Variants in PARK7 observed in about 807,000 individuals in gnomAD.
PARK7 encodes the protein Parkinson disease protein 7.
Under a neutral mutation model 20.5 loss-of-function variants are expected in PARK7, and 14 were observed. That is an observed-to-expected ratio of 0.68 (90% CI 0.45 to 1.07). PARK7 has a LOEUF of 1.07. Ranked by LOEUF, PARK7 falls within the 50% of genes least tolerant of loss-of-function variation. PARK7 has a pLI of 0.00. For missense variants in PARK7, 234 were observed against 238.1 expected (o/e 0.98, Z 0.11); for synonymous variants, 98 against 84.3 (o/e 1.16, Z -0.89).
At chr1:7,966,864 T>C (rs918323886) in intron 3 of PARK7, among the ~76,000 whole-genome samples, 1 of 152,230 alleles carries the variant, frequency 6.6e-6, no homozygotes, top group African/African-American at 2.4e-5. Flanking sequence ...ATGCATAATA[T>C]ATAGTGATCG....
At chr1:7,963,225 G>C (rs1310263466) in intron 2 of PARK7, among the ~76,000 whole-genome samples, 1 of 151,974 alleles carries the variant, frequency 6.6e-6, no homozygotes, top group African/African-American at 2.4e-5. Context: ...CACCACACCT[G>C]GCTAATTTTT....
Position 7,977,686 on chromosome 1 carries a change from T to C in PARK7, c.357T>C (p.Phe119=), listed in dbSNP as rs1640613708. The change falls in exon 6 of 7, where the codon TTT becomes TTC. Residue 119 remains phenylalanine (F), a synonymous_variant. Transcript: ENST00000338639. ...CTCTGTTGGCTCATGAAATAGGTTT[T>C]GGAAGTAAAGTTACAACACACCCTC... ...PTALLAHEIG[F]GSKVTTHPLA... 6.2e-7 allele frequency: 1 copy of C among 1,614,078 alleles called. No homozygotes were observed. Among genetic ancestry groups the C allele is most frequent in the Non-Finnish European group, 8.5e-7 (1 of 1,180,016 alleles).
rs570188903 is a variant in PARK7 at position 7,969,940 on chromosome 1, C to T, written c.252+536C>T. Among the ~76,000 whole-genome samples the T allele has an allele frequency of 2.6e-5, 4 of 152,132 alleles. No homozygotes were observed. The South Asian group carries it at 8.3e-4, about 32-fold the overall frequency. ...GTGCAGTGGCTCAACGTCTATAATC[C>T]CAGTGGTTTGGGAGGCTGAGACAGG... On this transcript the variant is annotated intron_variant, in intron 4 of 6. Transcript: ENST00000338639.
intron 2 of PARK7, among the ~76,000 whole-genome samples, chr1:7,964,926 C>T (rs2151428456): frequency 6.6e-6 from 1 of 152,318 alleles, no homozygotes; most frequent in Non-Finnish European, 1.5e-5. Context: ...TCCAGTCCCA[C>T]AGAGTACAGG....
At chr1:7,978,944 T>C (rs138258348) in intron 6 of PARK7, among the ~76,000 whole-genome samples, 56 of 152,210 alleles carry the variant, frequency 3.7e-4, no homozygotes, top group African/African-American at 1.3e-3. Context: ...ATCTACTAAA[T>C]GTATTGTTCT....
At chr1:7,982,183 C>T (rs1186163865) in intron 6 of PARK7, among the ~76,000 whole-genome samples, 21 of 148,448 alleles carry the variant, frequency 1.4e-4, no homozygotes, top group Admixed American at 2.7e-4. Context: ...GGCGGGGTTT[C>T]ACCATGTTGG....
At chr1:7,977,905 G>A (rs1032608757) in intron 6 of PARK7, among the ~76,000 whole-genome samples, 167 bp downstream of exon 6, 2 of 150,550 alleles carry the variant, frequency 1.3e-5, no homozygotes, top group Middle Eastern at 3.5e-3. Context: ...GATTACAGGC[G>A]CATGCCATCA....
intron 6 of PARK7, among the ~76,000 whole-genome samples, chr1:7,983,154 A>G (rs1640745899): frequency 1.3e-5 from 2 of 152,246 alleles, no homozygotes; most frequent in African/African-American, 2.4e-5. Flanking sequence ...CATTGAACAG[A>G]CGTTTCCTAA....
At position 7,962,890 on chromosome 1, in the gene PARK7, G is replaced by A; in HGVS notation, c.90+15G>A. 6.3e-7 allele frequency: 1 copy of A among 1,591,398 alleles called. No homozygotes were observed. The highest frequency in any genetic ancestry group is 8.6e-7 in the Non-Finnish European group (1 of 1,159,532). ...GGCGAGCTGGGGTAAGTCCCACATC[G>A]ATTTTTAGCCATTCCTGTTTTAAAT... On this transcript the variant is annotated intron_variant, in intron 2 of 6. Coordinates refer to ENST00000338639, the MANE Select transcript of PARK7 (RefSeq NM_007262.5).
chr1:7,964,178 CTCTA>C (rs1261607068), intron 2 of PARK7, among the ~76,000 whole-genome samples: 2 of 152,282 alleles, frequency 1.3e-5, no homozygotes, highest in Admixed American at 1.3e-4. Flanking sequence ...TATTATCTCT[CTCTA>C]TCTAAAAATA....
intron 3 of PARK7, among the ~76,000 whole-genome samples, chr1:7,967,611 T>G (rs1640356272): frequency 6.6e-6 from 1 of 152,200 alleles, no homozygotes; most frequent in Non-Finnish European, 1.5e-5. Flanking sequence ...AACGGTAGGA[T>G]GTTTATGGTC....
intron 4 of PARK7, 144 bp downstream of exon 4, chr1:7,969,548 A>G (rs549514631): frequency 1.4e-6 from 1 of 700,900 alleles, no homozygotes; most frequent in Admixed American, 2.6e-5. Context: ...AGAAACAACT[A>G]AAATTAACAA....
At chr1:7,967,740 C>T (rs1010381078) in intron 3 of PARK7, among the ~76,000 whole-genome samples, 2 of 151,694 alleles carry the variant, frequency 1.3e-5, no homozygotes, top group East Asian at 1.9e-4. Context: ...GGCAATGAAG[C>T]GAGACCCTGT....
At chr1:7,980,474 C>T (rs947648991) in intron 6 of PARK7, among the ~76,000 whole-genome samples, 2 of 152,096 alleles carry the variant, frequency 1.3e-5, no homozygotes, top group Non-Finnish European at 2.9e-5. Flanking sequence ...CGTTCCCGTA[C>T]GTTATCTTGG....
chr1:7,977,009 C>T (rs759312192), intron 5 of PARK7, among the ~76,000 whole-genome samples: 25 of 151,990 alleles, frequency 1.6e-4, no homozygotes, highest in Non-Finnish European at 3.5e-4. Flanking sequence ...CATGAGCCAC[C>T]GTGCCCGGCC....
Position 7,984,894 on chromosome 1 carries a change from G to A in PARK7, c.410G>A (p.Gly137Asp). 6.2e-7 allele frequency: 1 copy of A among 1,614,088 alleles called. No individual in the cohort carries two copies. Among genetic ancestry groups the A allele is most frequent in the African/African-American group, 1.3e-5 (1 of 74,990 alleles). The change falls in exon 7 of 7, where the codon GGT (glycine) becomes GAT (aspartate). Residue 137 changes from glycine to aspartate, a missense_variant and splice_region_variant. Physicochemically the swap from Gly to Asp is moderately conservative, Grantham distance 94. Coordinates refer to ENST00000338639, the MANE Select transcript of PARK7 (RefSeq NM_007262.5). This position sits in a 1 kb window ranked among gnomAD's most constrained non-coding sequence, Gnocchi z 4.3. Reference sequence around the variant, plus strand: ...CACCTTTTCTGTTTCTACTTTGCAGGTCATTACACCTACTCTGAGAATCGT... The same window carrying A: ...CACCTTTTCTGTTTCTACTTTGCAGATCATTACACCTACTCTGAGAATCGT... ...PLAKDKMMNGGHYTYSENRVE... is the reference protein window; with the variant it reads ...PLAKDKMMNGDHYTYSENRVE...
At chr1:7,980,853 C>T (rs1640694931) in intron 6 of PARK7, among the ~76,000 whole-genome samples, 1 of 152,020 alleles carries the variant, frequency 6.6e-6, no homozygotes, top group Non-Finnish European at 1.5e-5. Context: ...ATCTGAAGAC[C>T]ATAGTCTTTT....
chr1:7,962,007 C>T (rs1640213394), intron 1 of PARK7: 1 of 152,248 alleles, frequency 6.6e-6, no homozygotes, highest in Non-Finnish European at 1.5e-5. Flanking sequence ...GCTGAAGCGT[C>T]CAGAATCTTC....
At chr1:7,980,811 G>A (rs944239264) in intron 6 of PARK7, among the ~76,000 whole-genome samples, 1 of 152,226 alleles carries the variant, frequency 6.6e-6, no homozygotes. Flanking sequence ...TGAAAGATCA[G>A]TGTGACAGTT....
Sources: allele counts gnomAD v4.1 joint callset (sites outside exome capture counted in the v4.1 genomes callset), GRCh38; gene constraint gnomAD v4.1.1; non-coding constraint Gnocchi (gnomAD v3.1); transcripts MANE v1.5; gene names NCBI Gene and HGNC (gene_info 2026-07-23, HGNC 2026-07-21).